EXOC6: variants seen among roughly 807,000 people sequenced by gnomAD.
EXOC6 encodes exocyst complex component 6, also known as SEC15-like 1.
Under a neutral mutation model 112.5 loss-of-function variants are expected in EXOC6, and 60 were observed. That is an observed-to-expected ratio of 0.53 (90% CI 0.43 to 0.66). EXOC6 has a LOEUF of 0.66. Among genes scored for constraint, EXOC6 ranks in the 30% least tolerant of loss-of-function variants. The pLI is 0.00. For missense variants in EXOC6, 855 were observed against 957.1 expected, an observed-to-expected ratio of 0.89 and a Z score of 1.41; for synonymous variants, 295 against 308.0, an observed-to-expected ratio of 0.96 and a Z score of 0.44.
chr10:92,895,565 T>C (rs1052644372), intron 4 of EXOC6, among the ~76,000 whole-genome samples: 1 of 152,192 alleles, frequency 6.6e-6, no homozygotes, highest in Non-Finnish European at 1.5e-5. Context: ...GGGCTAAATA[T>C]TACTTGGGCA....
chr10:92,908,247 GTT>G (rs1850554030), intron 5 of EXOC6, among the ~76,000 whole-genome samples: 1 of 151,734 alleles, frequency 6.6e-6, no homozygotes, highest in South Asian at 2.1e-4. Flanking sequence ...TAGGGACAGA[GTT>G]TCACCACATT....
Position 92,904,033 on chromosome 10 carries a change from C to T in EXOC6, c.458+4389C>T, listed in dbSNP as rs556401132. 7.9e-5 allele frequency among the ~76,000 whole-genome samples: 12 copies of T among 152,070 alleles called. No homozygotes were observed. The South Asian group carries it at 2.5e-3, about 31-fold the overall frequency. On this transcript the variant is annotated intron_variant, in intron 5 of 21. Transcript: ENST00000260762. ...TATAGTTTTATCTTTTCCAGAATGT[C>T]AGATAGTTGAAATAATACAGTATAT... is the stretch of plus-strand genomic sequence containing the variant.
At chr10:92,976,059 A>C in intron 18 of EXOC6, among the ~76,000 whole-genome samples, 1 of 134,102 alleles carries the variant, frequency 7.5e-6, no homozygotes, top group Non-Finnish European at 1.6e-5. Flanking sequence ...GGGGGGGGTC[A>C]GCCCCCCGCC....
intron 1 of EXOC6, among the ~76,000 whole-genome samples, chr10:92,836,599 G>A (rs2490740): frequency 3.3e-5 from 5 of 152,038 alleles, no homozygotes; most frequent in Admixed American, 2.6e-4. Context: ...ATTTTGGGGG[G>A]TAGAGTGAAG....
intron 19 of EXOC6, among the ~76,000 whole-genome samples, chr10:93,005,928 G>T (rs770324627): frequency 3.3e-5 from 5 of 152,168 alleles, no homozygotes; most frequent in Non-Finnish European, 5.9e-5. Context: ...GGGAGGCCAC[G>T]ACTGGAGAAT....
intron 5 of EXOC6, among the ~76,000 whole-genome samples, chr10:92,902,981 A>C (rs1162181664): frequency 6.6e-6 from 1 of 152,130 alleles, no homozygotes; most frequent in Non-Finnish European, 1.5e-5. Context: ...GGTATTATGA[A>C]TAAGACTGCC....
chr10:92,839,931 C>T (rs1846784016), intron 1 of EXOC6, among the ~76,000 whole-genome samples: 1 of 151,982 alleles, frequency 6.6e-6, no homozygotes, highest in Non-Finnish European at 1.5e-5. Context: ...GATGACGTAC[C>T]AGAAGAAATT....
chr10:92,960,840 T>G (rs539291871), intron 17 of EXOC6, among the ~76,000 whole-genome samples: 2 of 152,286 alleles, frequency 1.3e-5, no homozygotes, highest in East Asian at 3.9e-4. Context: ...TTCATTTGTG[T>G]TGTTGTATGT....
At chr10:92,937,601 A>G (rs893421462) in intron 12 of EXOC6, among the ~76,000 whole-genome samples, 1 of 152,148 alleles carries the variant, frequency 6.6e-6, no homozygotes, top group Non-Finnish European at 1.5e-5. Context: ...CTTATATTTT[A>G]ACAGCGGGAT....
At chr10:92,970,935 T>A (rs1027365053) in intron 17 of EXOC6, among the ~76,000 whole-genome samples, 1 of 152,282 alleles carries the variant, frequency 6.6e-6, no homozygotes, top group Non-Finnish European at 1.5e-5. Flanking sequence ...ATGTGTGGTC[T>A]GTTCTTGCTG....
At chr10:92,852,558 G>GTA (rs1318953915) in intron 1 of EXOC6, among the ~76,000 whole-genome samples, 12 of 152,116 alleles carry the variant, frequency 7.9e-5, no homozygotes, top group Admixed American at 2.6e-4. Context: ...ATATGTGTGT[G>GTA]TATATATATG....
upstream of EXOC6, among the ~76,000 whole-genome samples, chr10:92,830,128 T>C (rs1589660638): frequency 1.3e-5 from 2 of 152,206 alleles, no homozygotes. Flanking sequence ...TTCCTTTATT[T>C]GCTTTATAAA....
intron 1 of EXOC6, among the ~76,000 whole-genome samples, chr10:92,856,822 A>G (rs954795487): frequency 2.6e-5 from 4 of 152,178 alleles, no homozygotes; most frequent in Admixed American, 6.5e-5. Flanking sequence ...TGTTAGATGC[A>G]TATATGTTTA....
chr10:92,840,667 CTTTT>C (rs572526057), intron 1 of EXOC6, among the ~76,000 whole-genome samples: 1 of 144,194 alleles, frequency 6.9e-6, no homozygotes. Flanking sequence ...GAGTGTAGAA[CTTTT>C]TTTTTTTTTT....
chr10:92,925,546 C>T (rs1268416407), intron 8 of EXOC6, among the ~76,000 whole-genome samples: 5 of 152,158 alleles, frequency 3.3e-5, no homozygotes, highest in East Asian at 1.9e-4. Flanking sequence ...CCGTCCTCCT[C>T]GGCCTCCCAA....
chr10:92,916,063 C>T, intron 7 of EXOC6, 150 bp downstream of exon 7: 1 of 534,340 alleles, frequency 1.9e-6, no homozygotes, highest in South Asian at 3.0e-5. Context: ...GTGTGTCAAA[C>T]TTTGACAAAA....
intron 18 of EXOC6, among the ~76,000 whole-genome samples, chr10:92,987,170 T>A (rs752816153): frequency 5.3e-5 from 8 of 152,180 alleles, no homozygotes; most frequent in Non-Finnish European, 1.2e-4. Flanking sequence ...ATATTTAGAT[T>A]CCAGTGCTTG....
chr10:92,899,433 T>G (rs1393730703), intron 4 of EXOC6, among the ~76,000 whole-genome samples, 166 bp from the exon 5 acceptor site: 1 of 152,178 alleles, frequency 6.6e-6, no homozygotes, highest in Non-Finnish European at 1.5e-5. Flanking sequence ...TAAACATGTT[T>G]TCATATACTT....
At chr10:92,986,861 G>A (rs1843031078) in intron 18 of EXOC6, among the ~76,000 whole-genome samples, 1 of 151,968 alleles carries the variant, frequency 6.6e-6, no homozygotes, top group African/African-American at 2.4e-5. Context: ...CTTATAATTA[G>A]TACAGAACTA....
Sources: allele counts gnomAD v4.1 joint callset (sites outside exome capture counted in the v4.1 genomes callset), GRCh38; gene constraint gnomAD v4.1.1; transcripts MANE v1.5; gene names NCBI Gene and HGNC (gene_info 2026-07-23, HGNC 2026-07-21).